USH2A: variants seen among roughly 807,000 people sequenced by gnomAD.
The protein encoded by USH2A is Usher syndrome 2A (autosomal recessive, mild).
Under a neutral mutation model 538.9 loss-of-function variants are expected in USH2A, and 443 were observed. The ratio of observed to expected loss-of-function variants is 0.82; its 90% CI spans 0.76 to 0.89. USH2A has a LOEUF of 0.89. Among genes scored for constraint, USH2A ranks in the 40% least tolerant of loss-of-function variants. The pLI is 0.00. For missense variants in USH2A, 6,633 were observed against 6,324.8 expected (o/e 1.05, Z -1.65); for synonymous variants, 2,413 against 2,273.5 (o/e 1.06, Z -1.75).
chr1:216,322,890 T>C (rs926438594), intron 8 of USH2A, among the ~76,000 whole-genome samples: 6 of 152,134 alleles, frequency 3.9e-5, no homozygotes, highest in African/African-American at 1.4e-4. Flanking sequence ...GACAGTATGC[T>C]GCCTAGGTTT....
chr1:216,387,121 A>G (rs1464496300), intron 3 of USH2A, among the ~76,000 whole-genome samples: 1 of 152,240 alleles, frequency 6.6e-6, no homozygotes, highest in Non-Finnish European at 1.5e-5. Flanking sequence ...AACTTTATAC[A>G]TCTTTGAAGT....
intron 11 of USH2A, among the ~76,000 whole-genome samples, chr1:216,254,895 C>G (rs1207489328): frequency 6.6e-6 from 1 of 152,218 alleles, no homozygotes; most frequent in Non-Finnish European, 1.5e-5. Flanking sequence ...ACTTAAACAG[C>G]AAACGTTAAT....
intron 35 of USH2A, among the ~76,000 whole-genome samples, chr1:215,983,484 A>C (rs1667800269): frequency 6.6e-6 from 1 of 152,168 alleles, no homozygotes; most frequent in South Asian, 2.1e-4. Context: ...GGCTCTTCTT[A>C]TTGGCCTTTA....
intron 58 of USH2A, among the ~76,000 whole-genome samples, chr1:215,744,771 G>C (rs956675270): frequency 6.6e-6 from 1 of 152,216 alleles, no homozygotes; most frequent in Non-Finnish European, 1.5e-5. Flanking sequence ...ATCATCTTCA[G>C]AAGTACTGAT....
At chr1:216,130,592 A>G (rs2033354155) in intron 21 of USH2A, among the ~76,000 whole-genome samples, 1 of 146,666 alleles carries the variant, frequency 6.8e-6, no homozygotes, top group African/African-American at 2.5e-5. Flanking sequence ...AATACACATT[A>G]TATATCATGT....
intron 37 of USH2A, among the ~76,000 whole-genome samples, chr1:215,954,521 A>G (rs1667013965): frequency 1.5e-5 from 2 of 135,904 alleles, no homozygotes; most frequent in South Asian, 4.8e-4. Flanking sequence ...CAATGAGAAC[A>G]CATGGACACA....
rs769043429 is a variant in USH2A at position 216,286,062 on chromosome 1, C to T, written c.1971+3218G>A. Among the ~76,000 whole-genome samples, 6 of 152,070 alleles carry T rather than the reference C, an allele frequency of 3.9e-5. 1 individual carries two copies. The highest frequency in any genetic ancestry group is 7.4e-5 in the Non-Finnish European group (5 of 68,012). Reference sequence around the variant, plus strand: ...TTGAGTTAATGCTGGAATGAGTTAACACTGTGGGGGACTCTTGGAAGGGCA... The same window carrying T: ...TTGAGTTAATGCTGGAATGAGTTAATACTGTGGGGGACTCTTGGAAGGGCA... On this transcript the variant is annotated intron_variant, in intron 11 of 71. Coordinates refer to ENST00000307340, the MANE Select transcript of USH2A (RefSeq NM_206933.4).
chr1:216,257,449 G>C (rs970014471), intron 11 of USH2A, among the ~76,000 whole-genome samples: 2 of 151,974 alleles, frequency 1.3e-5, no homozygotes, highest in South Asian at 4.1e-4. Flanking sequence ...GGCTGCTGTA[G>C]TATTTTATTT....
At chr1:215,683,144 C>T (rs553188522) in intron 61 of USH2A, among the ~76,000 whole-genome samples, 88 of 151,970 alleles carry the variant, frequency 5.8e-4, no homozygotes, top group African/African-American at 1.8e-3. Flanking sequence ...GCCTTGGCTG[C>T]GCAAAAGTGC....
intron 53 of USH2A, 56 bp from the exon 54 acceptor site, chr1:215,782,252 C>T: frequency 1.3e-6 from 2 of 1,570,372 alleles, no homozygotes; most frequent in Non-Finnish European, 1.7e-6. Flanking sequence ...TAACTATTTG[C>T]AAACAACTTA....
chr1:215,913,731 GA>G (rs911437417), intron 38 of USH2A, among the ~76,000 whole-genome samples: 29 of 151,714 alleles, frequency 1.9e-4, no homozygotes, highest in African/African-American at 6.8e-4. Context: ...GATATACTTT[GA>G]TTCGAGTTTT....
At chr1:216,006,009 C>T (rs1245792691) in intron 32 of USH2A, among the ~76,000 whole-genome samples, 6 of 152,110 alleles carry the variant, frequency 3.9e-5, no homozygotes, top group South Asian at 2.1e-4. Context: ...ATCACATCTC[C>T]GGTCACACTG....
chr1:216,364,827 G>A (rs2038563386), intron 4 of USH2A, 126 bp downstream of exon 4: 12 of 1,253,806 alleles, frequency 9.6e-6, no homozygotes, highest in Non-Finnish European at 9.0e-6. Flanking sequence ...TCCAGTTGGT[G>A]GTAATTTGTT....
At chr1:216,303,811 C>T (rs576957641) in intron 9 of USH2A, among the ~76,000 whole-genome samples, 2 of 152,008 alleles carry the variant, frequency 1.3e-5, no homozygotes, top group Admixed American at 6.6e-5. Flanking sequence ...GTAATCAAGA[C>T]ATAATGGCTG....
Position 215,782,155 on chromosome 1 carries a change from G to T in USH2A, c.10627C>A (p.Arg3543Ser). The change falls in exon 54 of 72, where the codon CGT (arginine) becomes AGT (serine). Residue 3543 changes from arginine (R) to serine (S), a missense_variant. Coordinates refer to ENST00000307340, the MANE Select transcript of USH2A (RefSeq NM_206933.4). ...AAGCTCAGTGATGTTCCCCGAAAAC[G>T]TTCAATTCCATTTCGAAGAAGGATG... ...YYILLRNGIE[R>S]FRGTSLSFSD... 2 of 1,613,900 alleles carry T rather than the reference G, an allele frequency of 1.2e-6. No homozygotes were observed. Among genetic ancestry groups the T allele is most frequent in the Admixed American group, 1.7e-5 (1 of 59,990 alleles).
At chr1:216,116,367 A>G (rs187196817) in intron 21 of USH2A, among the ~76,000 whole-genome samples, 1,532 of 152,208 alleles carry the variant, frequency 0.01, 15 homozygotes, top group Non-Finnish European at 0.018. Flanking sequence ...TTATGGGGGG[A>G]AAAATAAAAT....
intron 3 of USH2A, among the ~76,000 whole-genome samples, chr1:216,372,771 T>C (rs2038739111): frequency 6.6e-6 from 1 of 152,200 alleles, no homozygotes; most frequent in Non-Finnish European, 1.5e-5. Flanking sequence ...TAGATACTGC[T>C]TAAAGAGGTG....
At chr1:216,418,801 G>A (rs2102784348) in intron 2 of USH2A, 122 bp from the exon 3 acceptor site, 1 of 933,838 alleles carries the variant, frequency 1.1e-6, no homozygotes, top group Non-Finnish European at 1.7e-6. Context: ...GGTGTACTAT[G>A]AATAAGTGCC....
Position 215,813,796 on chromosome 1 carries a change from T to G in USH2A, c.9679A>C (p.Ile3227Leu), listed in dbSNP as rs1314119083. 1 of 1,613,838 alleles carries G rather than the reference T, an allele frequency of 6.2e-7. No homozygotes were observed. The highest frequency in any genetic ancestry group is 8.5e-7 in the Non-Finnish European group (1 of 1,179,900). Residue 3227 changes from isoleucine to leucine, a missense_variant, in exon 49 of 72, where the codon ATA (isoleucine) becomes CTA (leucine). By Grantham distance (5) the Ile-to-Leu change is conservative. Coordinates refer to ENST00000307340, the MANE Select transcript of USH2A (RefSeq NM_206933.4). ...TGATGATTTGGTTGTGCCTCCTGTA[T>G]TCGGCCACCACAACAAACTCCAGTA... The part of the protein sequence containing the change: ...NSTGVCCGGR[I>L]QEAQPNHQCC...
Sources: allele counts gnomAD v4.1 joint callset (sites outside exome capture counted in the v4.1 genomes callset), GRCh38; gene constraint gnomAD v4.1.1; transcripts MANE v1.5; gene names NCBI Gene and HGNC (gene_info 2026-07-23, HGNC 2026-07-21).